SGK1: variants seen among roughly 807,000 people sequenced by gnomAD.
SGK1 encodes the protein serum/glucocorticoid regulated kinase 1.
Under a neutral mutation model 64.2 loss-of-function variants are expected in SGK1, and 26 were observed. The observed-to-expected ratio is 0.40, with a 90% confidence interval of 0.30 to 0.56. The LOEUF is 0.56. Ranked by LOEUF, SGK1 falls within the 20% of genes least tolerant of loss-of-function variation. The pLI is 0.38. For missense variants in SGK1, 519 were observed against 645.6 expected (o/e 0.80, Z 2.12); for synonymous variants, 265 against 239.7 (o/e 1.11, Z -0.98).
chr6:134,265,124 C>T lies in SGK1; in HGVS notation c.70-2976G>A, dbSNP rs532522603. ...ATAATTATATGAGAAAAGCCAAATA[C>T]AAAACTGTTTAATTGCTATAATCAC... On this transcript the variant is annotated intron_variant, in intron 1 of 13. Coordinates refer to ENST00000367858, the MANE Select transcript of SGK1 (RefSeq NM_001143676.3). Among the ~76,000 whole-genome samples the T allele has an allele frequency of 2.2e-3, 336 of 152,178 alleles. 2 individuals are homozygous for T. The highest frequency in any genetic ancestry group is 7.8e-3 in the African/African-American group (325 of 41,534).
In SGK1 at chr6:134,221,179, C is replaced by T. The variant is rs977436354; in HGVS notation, c.286-13748G>A. Reference sequence around the variant, plus strand: ...ATTAGCTGGGCGTGGTAGTGGGCTCCTGTAATCCCAGCTACTTGGGAGGCT... The same window carrying T: ...ATTAGCTGGGCGTGGTAGTGGGCTCTTGTAATCCCAGCTACTTGGGAGGCT... On this transcript the variant is annotated intron_variant, in intron 2 of 13. Coordinates refer to ENST00000367858, the MANE Select transcript of SGK1 (RefSeq NM_001143676.3). 3.9e-5 allele frequency among the ~76,000 whole-genome samples: 6 copies of T among 151,970 alleles called. No individual in the cohort carries two copies. The East Asian group carries it at 1.2e-3, about 29-fold the overall frequency.
At chr6:134,213,996 T>A (rs1283588146) in intron 2 of SGK1, among the ~76,000 whole-genome samples, 9 of 152,206 alleles carry the variant, frequency 5.9e-5, no homozygotes, top group Non-Finnish European at 1.3e-4. Flanking sequence ...ATTTTGCTAA[T>A]CTTATTTTTA....
At chr6:134,224,981 C>A (rs1355572857) in intron 2 of SGK1, among the ~76,000 whole-genome samples, 24 of 135,732 alleles carry the variant, frequency 1.8e-4, no homozygotes, top group Middle Eastern at 4.5e-3. Context: ...GATGGTGACA[C>A]TGCATTCCAG....
intron 1 of SGK1, among the ~76,000 whole-genome samples, chr6:134,309,003 G>A (rs979782530): frequency 6.6e-6 from 1 of 152,154 alleles, no homozygotes; most frequent in Non-Finnish European, 1.5e-5. Flanking sequence ...AGCAAATGGC[G>A]TTTTGGGTGA....
intron 3 of SGK1, chr6:134,175,478 C>A: frequency 1.5e-6 from 2 of 1,344,868 alleles, no homozygotes; most frequent in African/African-American, 3.1e-5. Flanking sequence ...CGAAAGCCGG[C>A]CCCTGCCTCC....
At chr6:134,247,792 T>G (rs1041286060) in intron 2 of SGK1, among the ~76,000 whole-genome samples, 7 of 152,180 alleles carry the variant, frequency 4.6e-5, no homozygotes, top group Non-Finnish European at 8.8e-5. Flanking sequence ...TCACTAAAAT[T>G]ATAGATAATT....
At chr6:134,253,128 A>G (rs1776629238) in intron 2 of SGK1, among the ~76,000 whole-genome samples, 1 of 152,206 alleles carries the variant, frequency 6.6e-6, no homozygotes, top group Admixed American at 6.5e-5. Flanking sequence ...TAAAAGTAAC[A>G]ACACACCTTC....
chr6:134,255,625 A>C (rs924682054), intron 2 of SGK1, among the ~76,000 whole-genome samples: 1 of 123,764 alleles, frequency 8.1e-6, no homozygotes, highest in Non-Finnish European at 1.6e-5. Context: ...CTTGTCACCT[A>C]GGCTGGAGTA....
intron 1 of SGK1, among the ~76,000 whole-genome samples, chr6:134,290,434 A>C (rs552244626): frequency 1.3e-5 from 2 of 150,924 alleles, no homozygotes; most frequent in Non-Finnish European, 3.0e-5. Flanking sequence ...CTGTCAAAAA[A>C]AAAAAACAAA....
At chr6:134,175,051 G>C (rs1277305812) in intron 3 of SGK1, among the ~76,000 whole-genome samples, 2 of 152,118 alleles carry the variant, frequency 1.3e-5, no homozygotes, top group South Asian at 2.1e-4. Context: ...AGCCCCGGGC[G>C]GGGGCGCGAG....
chr6:134,266,780 G>T (rs967946400), intron 1 of SGK1, among the ~76,000 whole-genome samples: 13 of 152,128 alleles, frequency 8.5e-5, no homozygotes, highest in African/African-American at 2.7e-4. Flanking sequence ...AAAAGTTTGA[G>T]ACTCCAATAG....
chr6:134,246,565 C>A (rs913815846), intron 2 of SGK1, among the ~76,000 whole-genome samples: 1 of 152,116 alleles, frequency 6.6e-6, no homozygotes, highest in African/African-American at 2.4e-5. Context: ...AACCTCTCAG[C>A]AACCCTGTTA....
At chr6:134,308,910 T>G (rs1777572621) in intron 1 of SGK1, among the ~76,000 whole-genome samples, 1 of 151,948 alleles carries the variant, frequency 6.6e-6, no homozygotes, top group Non-Finnish European at 1.5e-5. Context: ...TGTGAGCTTA[T>G]CCTCCAGAGA....
chr6:134,170,746 C>T (rs1214355752), intron 13 of SGK1, 80 bp downstream of exon 13: 4 of 970,962 alleles, frequency 4.1e-6, no homozygotes, highest in African/African-American at 1.6e-5. Flanking sequence ...GTATTCCTTC[C>T]AACCCTCCCC....
At chr6:134,182,515 A>G (rs1046196445) in intron 3 of SGK1, among the ~76,000 whole-genome samples, 22 of 152,212 alleles carry the variant, frequency 1.4e-4, no homozygotes, top group Middle Eastern at 3.4e-3. Flanking sequence ...AAAAGGAAAT[A>G]AAGAATTTAG....
rs574210848 is a variant in SGK1 at position 134,282,833 on chromosome 6, T to A, written c.70-20685A>T. 1.3e-4 allele frequency among the ~76,000 whole-genome samples: 19 copies of A among 151,698 alleles called. 1 individual carries two copies. The highest frequency in any genetic ancestry group is 3.9e-4 in the Admixed American group (6 of 15,252). On this transcript the variant is annotated intron_variant, in intron 1 of 13. Coordinates refer to ENST00000367858, the MANE Select transcript of SGK1 (RefSeq NM_001143676.3). ...ATTTCAGACTTGCCATCTCCACAGC[T>A]GCATGAGCCAATTCATTGAAATAAA...
chr6:134,178,782 A>G (rs1157007670), intron 3 of SGK1, among the ~76,000 whole-genome samples: 1 of 151,890 alleles, frequency 6.6e-6, no homozygotes, highest in African/African-American at 2.4e-5. Context: ...GAAAATATAG[A>G]CGGCTTGATA....
chr6:134,248,149 C>G (rs1002686563), intron 2 of SGK1, among the ~76,000 whole-genome samples: 1 of 151,976 alleles, frequency 6.6e-6, no homozygotes, highest in Non-Finnish European at 1.5e-5. Flanking sequence ...AGCCTTGGGT[C>G]TGATTAGTGT....
intron 1 of SGK1, among the ~76,000 whole-genome samples, chr6:134,262,380 A>AT (rs369237821): frequency 5.4e-5 from 8 of 149,478 alleles, no homozygotes; most frequent in East Asian, 4.0e-4. Flanking sequence ...CTGTCTCCGC[A>AT]TTTTTTTTTC....
Sources: allele counts gnomAD v4.1 joint callset (sites outside exome capture counted in the v4.1 genomes callset), GRCh38; gene constraint gnomAD v4.1.1; transcripts MANE v1.5; gene names NCBI Gene and HGNC (gene_info 2026-07-23, HGNC 2026-07-21).